CCDC83: variants seen among roughly 807,000 people sequenced by gnomAD.
The protein encoded by CCDC83 is coiled-coil domain-containing protein 83.
CCDC83 carries 54 observed loss-of-function variants against 50.1 expected under a neutral mutation model. The observed-to-expected ratio is 1.08, with a 90% confidence interval of 0.87 to 1.35. The LOEUF is 1.35. Among genes scored for constraint, CCDC83 ranks in the 40% most tolerant of loss-of-function variants. The pLI, the probability that CCDC83 is intolerant of heterozygous loss-of-function variation, is 0.00. For missense variants in CCDC83, 518 were observed against 473.9 expected, an observed-to-expected ratio of 1.09 and a Z score of -0.86; for synonymous variants, 161 against 153.3, an observed-to-expected ratio of 1.05 and a Z score of -0.37.
chr11:85,912,842 C>T (rs1374123238), intron 8 of CCDC83: 4 of 761,802 alleles, frequency 5.3e-6, no homozygotes, highest in African/African-American at 1.7e-5. Flanking sequence ...AACTGCCAGA[C>T]CCGTGTCTCT....
intron 3 of CCDC83, 114 bp from the exon 4 acceptor site, chr11:85,882,399 C>A: frequency 1.1e-6 from 1 of 923,358 alleles, no homozygotes; most frequent in Non-Finnish European, 1.7e-6. Flanking sequence ...GAAGTCCAGG[C>A]TTCCCACTTG....
Position 85,858,760 on chromosome 11 carries a change from T to C in CCDC83, c.-29+3176T>C, listed in dbSNP as rs185986429. Among the ~76,000 whole-genome samples, 39 of 152,214 alleles carry C rather than the reference T, an allele frequency of 2.6e-4. 2 individuals carry two copies. The highest frequency in any genetic ancestry group is 2.6e-3 in the Admixed American group (39 of 15,292). On this transcript the variant is annotated intron_variant, in intron 1 of 10. Coordinates refer to ENST00000342404, the MANE Select transcript of CCDC83 (RefSeq NM_001286159.2). Reference sequence around the variant, plus strand: ...CCCGGTCTGTGGACTTATACCTGTGTGCTTGGTTCACAGGTTCAGTGGTAC... The same window carrying C: ...CCCGGTCTGTGGACTTATACCTGTGCGCTTGGTTCACAGGTTCAGTGGTAC...
chr11:85,895,927 C>T (rs2093372584), intron 6 of CCDC83, among the ~76,000 whole-genome samples: 1 of 152,176 alleles, frequency 6.6e-6, no homozygotes, highest in Non-Finnish European at 1.5e-5. Flanking sequence ...AATCCTCTCA[C>T]GTCAGCCTCC....
chr11:85,859,765 A>C (rs2093164524), intron 1 of CCDC83, among the ~76,000 whole-genome samples: 1 of 152,226 alleles, frequency 6.6e-6, no homozygotes, highest in Non-Finnish European at 1.5e-5. Flanking sequence ...GCCTTGGCAA[A>C]GAATTTATGA....
rs2093499518 is a variant in CCDC83 at position 85,919,683 on chromosome 11, T to C, written c.*173T>C. The C allele has an allele frequency of 2.7e-5, 16 of 582,146 alleles. No homozygotes were observed. In the South Asian group the frequency reaches 3.6e-4, roughly 13 times the overall value. 36.1% of individuals were successfully genotyped at this position (582,146 alleles called of 1,614,324 possible). A position where few individuals can be genotyped will look rare whatever the true frequency, so the allele number is the denominator to read the frequency against. On this transcript the variant is annotated 3_prime_UTR_variant, in exon 11 of 11. Transcript: ENST00000342404. ...GTATTCAGCTATTCATTTACTTGCA[T>C]GGTATGAGTGACCAAAACGGAAGCA...
chr11:85,881,987 C>G (rs533465458), intron 3 of CCDC83, among the ~76,000 whole-genome samples: 4 of 152,198 alleles, frequency 2.6e-5, no homozygotes, highest in African/African-American at 9.6e-5. Flanking sequence ...GTCCTGCCCT[C>G]TTTCTCTCCC....
chr11:85,882,418 T>C (rs1451118074), intron 3 of CCDC83, 95 bp from the exon 4 acceptor site: 1 of 1,231,132 alleles, frequency 8.1e-7, no homozygotes, highest in Non-Finnish European at 1.1e-6. Context: ...TGCCTTCCTG[T>C]GATACCCAAA....
chr11:85,917,274 GGAAAGAAGGAAGGAAA>G (rs1341034302), intron 10 of CCDC83, among the ~76,000 whole-genome samples: 11 of 74,712 alleles, frequency 1.5e-4, no homozygotes, highest in South Asian at 5.7e-4. Context: ...AAGGAAGGAA[GGAAAGAAGGAAGGAAA>G]GAAAGAAAGA....
chr11:85,872,498 C>T (rs1320081500), intron 2 of CCDC83, among the ~76,000 whole-genome samples: 1 of 151,898 alleles, frequency 6.6e-6, no homozygotes, highest in Non-Finnish European at 1.5e-5. Context: ...ACAACAACAA[C>T]AACAACAACA....
intron 7 of CCDC83, among the ~76,000 whole-genome samples, chr11:85,910,192 C>T (rs2093446839): frequency 6.6e-6 from 1 of 152,126 alleles, no homozygotes; most frequent in Admixed American, 6.6e-5. Flanking sequence ...TAGGGTGAAC[C>T]TCTCTCTCCT....
At chr11:85,864,199 A>G (rs1175556682) in intron 1 of CCDC83, among the ~76,000 whole-genome samples, 1 of 152,234 alleles carries the variant, frequency 6.6e-6, no homozygotes, top group Non-Finnish European at 1.5e-5. Flanking sequence ...CAAGAATTAC[A>G]TTATCCTCAC....
chr11:85,915,815 G>A (rs571292973), intron 9 of CCDC83, among the ~76,000 whole-genome samples: 62 of 152,176 alleles, frequency 4.1e-4, no homozygotes, highest in Middle Eastern at 3.4e-3. Context: ...ATATACTTAG[G>A]CACCAATATA....
At chr11:85,912,798 A>C (rs1249774983) in intron 8 of CCDC83, 3 of 1,044,880 alleles carry the variant, frequency 2.9e-6, no homozygotes, top group Non-Finnish European at 4.5e-6. Flanking sequence ...CTCTTTTCTG[A>C]ACTGGCTAAT....
intron 3 of CCDC83, among the ~76,000 whole-genome samples, chr11:85,877,918 C>T (rs1015063251): frequency 1.3e-5 from 2 of 152,090 alleles, no homozygotes; most frequent in Non-Finnish European, 2.9e-5. Flanking sequence ...ATTTCCATTG[C>T]TATTATTCAA....
chr11:85,889,626 G>A (rs2093342531), intron 5 of CCDC83, among the ~76,000 whole-genome samples: 1 of 152,142 alleles, frequency 6.6e-6, no homozygotes, highest in South Asian at 2.1e-4. Context: ...ATATGAGCAA[G>A]ACTCCTAAAT....
intron 8 of CCDC83, among the ~76,000 whole-genome samples, chr11:85,912,013 G>T (rs1463543208): frequency 1.3e-5 from 2 of 151,908 alleles, no homozygotes; most frequent in Non-Finnish European, 2.9e-5. Context: ...GAAACCTAGG[G>T]CCCTTGAATA....
Position 85,916,173 on chromosome 11 carries a change from C to T in CCDC83, c.1020C>T (p.Gly340=), listed in dbSNP as rs746399525. The T allele has an allele frequency of 3.7e-6, 6 of 1,612,610 alleles. No individual in the cohort carries two copies. The highest frequency in any genetic ancestry group is 1.7e-5 in the Admixed American group (1 of 59,972). The change falls in exon 10 of 11, where the codon GGC becomes GGT. Residue 340 remains glycine (G), a synonymous_variant. Transcript: ENST00000342404. The part of the protein sequence containing the change: ...YVKIDKEENS[G]TEFGDTDMKY... Reference sequence around the variant, plus strand: ...AGATAGATAAAGAGGAAAACTCAGGCACAGAGTTTGGGGACACTGATATGA... The same window carrying T: ...AGATAGATAAAGAGGAAAACTCAGGTACAGAGTTTGGGGACACTGATATGA...
intron 1 of CCDC83, among the ~76,000 whole-genome samples, chr11:85,857,463 G>C (rs1386267108): frequency 6.6e-6 from 1 of 152,174 alleles, no homozygotes; most frequent in Non-Finnish European, 1.5e-5. Flanking sequence ...TCCTCAACGT[G>C]ATTCTGGATG....
intron 4 of CCDC83, among the ~76,000 whole-genome samples, chr11:85,884,288 G>A (rs1170214333): frequency 6.6e-6 from 1 of 152,156 alleles, no homozygotes; most frequent in Non-Finnish European, 1.5e-5. Flanking sequence ...CATTTCCGAG[G>A]TAGTCACTTT....
Sources: gnomAD v4.1 joint callset for allele counts (sites outside exome capture counted in the v4.1 genomes callset) on GRCh38, gnomAD v4.1.1 for gene constraint, MANE v1.5 for transcripts, NCBI Gene and HGNC (gene_info 2026-07-23, HGNC 2026-07-21) for gene names.